Variants in PALLD observed in about 807,000 individuals in gnomAD.
The protein encoded by PALLD is palladin.
PALLD carries 61 observed loss-of-function variants against 123.5 expected under a neutral mutation model. That is an observed-to-expected ratio of 0.49 (90% CI 0.40 to 0.61). PALLD has a LOEUF of 0.61. PALLD is among the 20% of genes least tolerant of loss of function. PALLD has a pLI of 0.00. For missense variants in PALLD, 1,273 were observed against 1,377.0 expected (o/e 0.92, Z 1.20); for synonymous variants, 465 against 496.4 (o/e 0.94, Z 0.84).
chr4:168,835,239 C>T (rs1744972884), intron 10 of PALLD, among the ~76,000 whole-genome samples: 1 of 152,166 alleles, frequency 6.6e-6, no homozygotes, highest in African/African-American at 2.4e-5. Context: ...TCTGAGTAAT[C>T]ACAATTCACT....
At chr4:168,884,327 T>C (rs1343980975) in intron 10 of PALLD, among the ~76,000 whole-genome samples, 1 of 152,238 alleles carries the variant, frequency 6.6e-6, no homozygotes, top group Non-Finnish European at 1.5e-5. Context: ...GTGAGAAAAC[T>C]GTATTCCATA....
chr4:168,656,724 G>A (rs575971330), intron 2 of PALLD, among the ~76,000 whole-genome samples: 8 of 152,304 alleles, frequency 5.3e-5, no homozygotes, highest in African/African-American at 1.9e-4. Context: ...GGGAAATCCA[G>A]TATTTTCATG....
chr4:168,614,260 C>T lies in PALLD; in HGVS notation c.909-53930C>T, dbSNP rs544214509. Among the ~76,000 whole-genome samples, 3 of 152,246 alleles carry T rather than the reference C, an allele frequency of 2.0e-5. No individual in the cohort carries two copies. In the South Asian group the frequency reaches 6.2e-4, roughly 32 times the overall value. Reference sequence around the variant, plus strand: ...TTATTTTTTAAAAAGACACTGTGGACTCTGTCACTCATATTTTTAAAATAA... The same window carrying T: ...TTATTTTTTAAAAAGACACTGTGGATTCTGTCACTCATATTTTTAAAATAA... On this transcript the variant is annotated intron_variant, in intron 2 of 21. Coordinates refer to ENST00000505667, the MANE Select transcript of PALLD (RefSeq NM_001166108.2).
intron 10 of PALLD, among the ~76,000 whole-genome samples, chr4:168,755,658 C>T (rs1326641923): frequency 3.3e-5 from 5 of 152,154 alleles, no homozygotes; most frequent in Non-Finnish European, 7.3e-5. Context: ...AAATAGCACA[C>T]TTTGCAGCTG....
chr4:168,607,212 T>C (rs1395812286), intron 2 of PALLD, among the ~76,000 whole-genome samples: 3 of 152,174 alleles, frequency 2.0e-5, no homozygotes, highest in Admixed American at 6.5e-5. Context: ...ATAAGTCATA[T>C]CTGCGGAAAT....
chr4:168,816,257 TG>T (rs144623501), intron 10 of PALLD, among the ~76,000 whole-genome samples: 2,425 of 152,186 alleles, frequency 0.016, 63 homozygotes, highest in African/African-American at 0.056. Context: ...GCACTCCAAA[TG>T]CCTGCTTGTT....
chr4:168,743,024 T>C (rs531369342), intron 10 of PALLD, among the ~76,000 whole-genome samples: 1 of 152,240 alleles, frequency 6.6e-6, no homozygotes, highest in South Asian at 2.1e-4. Context: ...TAAACGCCAT[T>C]CTCTGCCTTC....
chr4:168,502,038 GA>G (rs1429445730), intron 1 of PALLD, among the ~76,000 whole-genome samples: 1 of 152,150 alleles, frequency 6.6e-6, no homozygotes, highest in Non-Finnish European at 1.5e-5. Context: ...TCTCTTCTTA[GA>G]ATCTTAACTC....
At chr4:168,638,536 A>AACG (rs1327627099) in intron 2 of PALLD, among the ~76,000 whole-genome samples, 1 of 152,238 alleles carries the variant, frequency 6.6e-6, no homozygotes, top group East Asian at 1.9e-4. Flanking sequence ...TGGCGGCTAT[A>AACG]ACGAAGTACC....
chr4:168,567,312 C>T (rs1331481345), intron 2 of PALLD, among the ~76,000 whole-genome samples: 1 of 150,234 alleles, frequency 6.7e-6, no homozygotes, highest in Non-Finnish European at 1.5e-5. Context: ...ACAAGAAACT[C>T]AAACAACTCA....
chr4:168,633,649 G>A (rs1478457389), intron 2 of PALLD, among the ~76,000 whole-genome samples: 1 of 152,134 alleles, frequency 6.6e-6, no homozygotes, highest in Non-Finnish European at 1.5e-5. Flanking sequence ...ACTAGAAATA[G>A]CAATGATTGC....
chr4:168,832,901 C>T lies in PALLD; in HGVS notation c.1965-58021C>T, dbSNP rs754779626. On this transcript the variant is annotated intron_variant, in intron 10 of 21. Coordinates refer to ENST00000505667, the MANE Select transcript of PALLD (RefSeq NM_001166108.2). ...GCCTTGGCAGCCGCTTTGTTCACGCCGGGCGCGGGCCGAACCCGAACCTCA... is the reference window on the plus strand; with the variant it reads ...GCCTTGGCAGCCGCTTTGTTCACGCTGGGCGCGGGCCGAACCCGAACCTCA... 1.8e-3 allele frequency: 276 copies of T among 152,326 alleles called. 1 individual carries two copies. Among genetic ancestry groups the T allele is most frequent in the Non-Finnish European group, 2.9e-3 (197 of 68,062 alleles). The allele number at this position is 152,326 out of a possible 1,614,324, so 9.4% of individuals were successfully genotyped here.
At chr4:168,896,214 A>AG (rs1755129953) in intron 12 of PALLD, among the ~76,000 whole-genome samples, 1 of 151,948 alleles carries the variant, frequency 6.6e-6, no homozygotes. Flanking sequence ...ATCTCAAAAA[A>AG]AAAAAAAAAA....
At chr4:168,726,512 T>G (rs1786599049) in intron 10 of PALLD, among the ~76,000 whole-genome samples, 1 of 152,190 alleles carries the variant, frequency 6.6e-6, no homozygotes, top group African/African-American at 2.4e-5. Flanking sequence ...TTTTCTTCTC[T>G]GAGACAAGGT....
chr4:168,631,622 C>G (rs1196105685), intron 2 of PALLD: 1 of 985,578 alleles, frequency 1.0e-6, no homozygotes, highest in East Asian at 1.1e-4. Context: ...GGCGCATTCG[C>G]GCGCTGGAGA....
chr4:168,826,289 G>A (rs1034524094), intron 10 of PALLD, among the ~76,000 whole-genome samples: 3 of 152,158 alleles, frequency 2.0e-5, no homozygotes, highest in African/African-American at 7.2e-5. Context: ...AATAAAACTT[G>A]GCAATAATCA....
rs201034052 is a variant in PALLD at position 168,711,902 on chromosome 4, C to T, written c.1943C>T (p.Pro648Leu). 10 of 1,613,796 alleles carry T rather than the reference C, an allele frequency of 6.2e-6. No individual in the cohort carries two copies. Among genetic ancestry groups the T allele is most frequent in the African/African-American group, 1.3e-5 (1 of 74,896 alleles). ...CTTTCACCCACTAAGGAGCCACCAC[C>T]TCTGCTTGCCAAACCAAAACTGTGA... ...VLLSPTKEPP[P>L]LLAKPKLGFP... Residue 648 changes from proline (P) to leucine (L), a missense_variant, in exon 10 of 22, where the codon CCT becomes CTT. Pro to Leu is a moderately conservative substitution (Grantham distance 98). Coordinates refer to ENST00000505667, the MANE Select transcript of PALLD (RefSeq NM_001166108.2).
At chr4:168,628,279 C>T (rs1040452974) in intron 2 of PALLD, among the ~76,000 whole-genome samples, 1 of 152,228 alleles carries the variant, frequency 6.6e-6, no homozygotes, top group Non-Finnish European at 1.5e-5. Context: ...ACATTAAACA[C>T]AGGCATGGTT....
At chr4:168,562,344 A>C (rs1409895671) in intron 2 of PALLD, among the ~76,000 whole-genome samples, 1 of 152,234 alleles carries the variant, frequency 6.6e-6, no homozygotes, top group Non-Finnish European at 1.5e-5. Flanking sequence ...CCTGAGATTC[A>C]TTCATTCATC....
Sources: gnomAD v4.1 joint callset for allele counts (sites outside exome capture counted in the v4.1 genomes callset) on GRCh38, gnomAD v4.1.1 for gene constraint, MANE v1.5 for transcripts, NCBI Gene and HGNC (gene_info 2026-07-23, HGNC 2026-07-21) for gene names.